The following LRP1B variants were observed in gnomAD, a reference collection of about 807,000 sequenced individuals.
The protein encoded by LRP1B is LDL receptor related protein 1B.
Under a neutral mutation model 556.6 loss-of-function variants are expected in LRP1B, and 217 were observed. That is an observed-to-expected ratio of 0.39 (90% CI 0.35 to 0.44). The LOEUF (loss-of-function observed/expected upper bound fraction) is 0.44. LRP1B is among the 20% of genes least tolerant of loss of function. LRP1B has a pLI of 1.00. For missense variants in LRP1B, 5,053 were observed against 5,620.8 expected (o/e 0.90, Z 3.23); for synonymous variants, 2,047 against 1,865.8 (o/e 1.10, Z -2.50).
At chr2:141,203,439 G>A (rs1241893682) in intron 6 of LRP1B, among the ~76,000 whole-genome samples, 1 of 151,896 alleles carries the variant, frequency 6.6e-6, no homozygotes, top group Non-Finnish European at 1.5e-5. Context: ...AAGAGATAAA[G>A]GGCATTACAT....
At chr2:141,856,786 A>C (rs1698066268) in intron 1 of LRP1B, among the ~76,000 whole-genome samples, 1 of 152,168 alleles carries the variant, frequency 6.6e-6, no homozygotes, top group South Asian at 2.1e-4. Flanking sequence ...GCTCATGCTG[A>C]AAATCAGATC....
chr2:140,625,750 C>A (rs1683634553), intron 41 of LRP1B, among the ~76,000 whole-genome samples: 1 of 152,134 alleles, frequency 6.6e-6, no homozygotes, highest in Non-Finnish European at 1.5e-5. Context: ...TATAGAGCAA[C>A]AAGAACTCTC....
chr2:140,514,452 A>T (rs952094131), intron 51 of LRP1B, among the ~76,000 whole-genome samples: 6 of 152,018 alleles, frequency 3.9e-5, no homozygotes, highest in African/African-American at 1.4e-4. Context: ...AAGGAAAAAT[A>T]CCAAATATTG....
chr2:140,334,297 T>C (rs1377504131), intron 79 of LRP1B, among the ~76,000 whole-genome samples, 156 bp downstream of exon 79: 1 of 151,996 alleles, frequency 6.6e-6, no homozygotes, highest in South Asian at 2.1e-4. Context: ...GTTGAGAAAA[T>C]AGGAAATGAA....
intron 1 of LRP1B, among the ~76,000 whole-genome samples, chr2:142,094,656 A>T (rs1281756636): frequency 1.3e-5 from 2 of 151,992 alleles, no homozygotes; most frequent in Non-Finnish European, 2.9e-5. Flanking sequence ...AAGCTTAAAA[A>T]TGACTTTCTG....
chr2:141,229,692 G>A (rs1020559705), intron 5 of LRP1B, among the ~76,000 whole-genome samples: 1 of 152,150 alleles, frequency 6.6e-6, no homozygotes, highest in Non-Finnish European at 1.5e-5. Flanking sequence ...GTGAGGACAT[G>A]TCATTTACTT....
At chr2:141,559,627 A>G (rs1686075618) in intron 2 of LRP1B, among the ~76,000 whole-genome samples, 1 of 151,604 alleles carries the variant, frequency 6.6e-6, no homozygotes, top group Admixed American at 6.6e-5. Context: ...GTGATAAAGT[A>G]AATTTGTTTT....
intron 7 of LRP1B, among the ~76,000 whole-genome samples, chr2:141,084,101 T>G (rs1310892994): frequency 6.6e-6 from 1 of 152,192 alleles, no homozygotes; most frequent in Non-Finnish European, 1.5e-5. Flanking sequence ...AGATAAGCAG[T>G]TCTTAGTAGA....
At chr2:141,458,440 C>T (rs1241579571) in intron 3 of LRP1B, among the ~76,000 whole-genome samples, 2 of 152,146 alleles carry the variant, frequency 1.3e-5, no homozygotes, top group Non-Finnish European at 2.9e-5. Flanking sequence ...CGTATTTAGC[C>T]TAGTGTCATT....
At chr2:140,424,586 T>G (rs562320725) in intron 66 of LRP1B, among the ~76,000 whole-genome samples, 1 of 152,330 alleles carries the variant, frequency 6.6e-6, no homozygotes, top group Admixed American at 6.5e-5. Flanking sequence ...ACATATAAAC[T>G]GAGATAATCT....
Position 142,032,888 on chromosome 2 carries a change from A to T in LRP1B, c.82+97760T>A, listed in dbSNP as rs1039978210. Among the ~76,000 whole-genome samples, 6 of 151,910 alleles carry T rather than the reference A, an allele frequency of 3.9e-5. No individual in the cohort carries two copies. The South Asian group carries it at 6.2e-4, about 16-fold the overall frequency. On this transcript the variant is annotated intron_variant, in intron 1 of 90. Coordinates refer to ENST00000389484, the MANE Select transcript of LRP1B (RefSeq NM_018557.3). The stretch of plus-strand genomic sequence containing the variant: ...TCTCTCAGTTGCTAGCTGACTGATG[A>T]TGTGTCCGTTACATTTTAACACTAT...
chr2:140,256,166 T>C (rs1287650894), intron 86 of LRP1B, among the ~76,000 whole-genome samples: 1 of 152,102 alleles, frequency 6.6e-6, no homozygotes, highest in East Asian at 1.9e-4. Flanking sequence ...AGTGCTAGTA[T>C]GGATGACACA....
At chr2:141,389,170 G>A (rs751290528) in intron 3 of LRP1B, among the ~76,000 whole-genome samples, 4 of 152,068 alleles carry the variant, frequency 2.6e-5, no homozygotes, top group Non-Finnish European at 4.4e-5. Context: ...CTGAGTAGCC[G>A]AAAGAACCTA....
rs371064322 is a variant in LRP1B at position 141,639,404 on chromosome 2, A to G, written c.206-158871T>C. Among the ~76,000 whole-genome samples, 52 of 46,774 alleles carry G rather than the reference A, an allele frequency of 1.1e-3. 1 individual carries two copies. Among genetic ancestry groups the G allele is most frequent in the East Asian group, 6.1e-3 (16 of 2,616 alleles). The allele number at this position is 46,774 out of a possible 152,430, so 30.7% of individuals were successfully genotyped here. A position where few individuals can be genotyped will look rare whatever the true frequency, so the allele number is the denominator to read the frequency against. On this transcript the variant is annotated intron_variant, in intron 2 of 90. Transcript: ENST00000389484. ...CATATATATATACACATATATATAT[A>G]TGTGTATATATATATATATTTTTTT... is the stretch of plus-strand genomic sequence containing the variant.
chr2:141,083,582 T>A (rs1220624194), intron 7 of LRP1B, among the ~76,000 whole-genome samples: 1 of 152,200 alleles, frequency 6.6e-6, no homozygotes, highest in Non-Finnish European at 1.5e-5. Context: ...GTGGCGATGT[T>A]AAAAGGTGAT....
chr2:140,392,708 C>A (rs781629889), intron 66 of LRP1B, among the ~76,000 whole-genome samples: 3 of 152,020 alleles, frequency 2.0e-5, no homozygotes, highest in Admixed American at 6.6e-5. Context: ...AACTATAATA[C>A]ATGTGATTCA....
chr2:141,188,268 C>T (rs568176825), intron 7 of LRP1B, among the ~76,000 whole-genome samples, 153 bp downstream of exon 7: 2 of 151,998 alleles, frequency 1.3e-5, no homozygotes, highest in South Asian at 4.2e-4. Context: ...GAGTTATAGC[C>T]TTTTTTCCTT....
At chr2:141,236,340 G>A (rs1683647473) in intron 5 of LRP1B, among the ~76,000 whole-genome samples, 1 of 152,076 alleles carries the variant, frequency 6.6e-6, no homozygotes, top group Non-Finnish European at 1.5e-5. Context: ...ATTATGTTAA[G>A]TGAAATAAGC....
intron 11 of LRP1B, among the ~76,000 whole-genome samples, chr2:141,039,900 G>T (rs1698646180): frequency 6.6e-6 from 1 of 151,954 alleles, no homozygotes; most frequent in Admixed American, 6.6e-5. Flanking sequence ...AATAATATGA[G>T]AAATATATAT....
Sources: gnomAD v4.1 joint callset for allele counts (sites outside exome capture counted in the v4.1 genomes callset) on GRCh38, gnomAD v4.1.1 for gene constraint, MANE v1.5 for transcripts, NCBI Gene and HGNC (gene_info 2026-07-23, HGNC 2026-07-21) for gene names.